Variants in PDE10A observed in about 807,000 individuals in gnomAD.
PDE10A encodes the protein cAMP and cAMP-inhibited cGMP 3',5'-cyclic phosphodiesterase 10A.
In PDE10A, 39 loss-of-function variants were observed where a neutral mutation model predicts 97.7. That is an observed-to-expected ratio of 0.40 (90% CI 0.31 to 0.52). PDE10A has a LOEUF of 0.52. PDE10A is among the 20% of genes least tolerant of loss of function. PDE10A has a pLI of 0.56. For synonymous variants in PDE10A, 371 were observed against 376.8 expected (o/e 0.98, Z 0.18); for missense variants, 731 against 1,047.8 (o/e 0.70, Z 4.17).
intron 1 of PDE10A, among the ~76,000 whole-genome samples, chr6:165,824,540 A>G (rs1194062801): frequency 6.6e-6 from 1 of 152,118 alleles, no homozygotes; most frequent in African/African-American, 2.4e-5. Context: ...AATCTATCAA[A>G]CGTTTATGAT....
intron 1 of PDE10A, among the ~76,000 whole-genome samples, chr6:165,979,559 C>T (rs9364827): frequency 0.07 from 10,644 of 152,146 alleles, 463 homozygotes; most frequent in South Asian, 0.13. Context: ...CTTGTTAATT[C>T]AAGTTGCCTC....
At chr6:165,560,760 G>A (rs1028915341) in intron 1 of PDE10A, among the ~76,000 whole-genome samples, 1 of 152,168 alleles carries the variant, frequency 6.6e-6, no homozygotes. Context: ...AAGCCCAGGG[G>A]AGAACGTCTA....
In PDE10A at chr6:165,589,390, CTTTATA is replaced by C. The variant is rs540546221; in HGVS notation, c.866-45828_866-45823del. Among the ~76,000 whole-genome samples, 24 of 152,242 alleles carry C rather than the reference CTTTATA, an allele frequency of 1.6e-4. 1 individual carries two copies. In the East Asian group the frequency reaches 4.6e-3, roughly 29 times the overall value. ...TAGTTGTTCTCTTAAAGATTTATTA[CTTTATA>C]TTTAAAATGCATTGGTTAAAACTTT... On this transcript the variant is annotated intron_variant, in intron 1 of 21. Transcript: ENST00000539869.
chr6:165,562,190 A>C (rs913391166), intron 1 of PDE10A, among the ~76,000 whole-genome samples: 1 of 152,202 alleles, frequency 6.6e-6, no homozygotes, highest in Non-Finnish European at 1.5e-5. Context: ...TATTATTTTA[A>C]TAATTAAGAC....
At chr6:165,822,144 G>A (rs1779589711) in intron 1 of PDE10A, among the ~76,000 whole-genome samples, 1 of 152,220 alleles carries the variant, frequency 6.6e-6, no homozygotes, top group Non-Finnish European at 1.5e-5. Flanking sequence ...TGAGAAATGT[G>A]TCCTTTGGCG....
At chr6:165,623,914 T>C (rs1206029506) in intron 1 of PDE10A, among the ~76,000 whole-genome samples, 2 of 152,230 alleles carry the variant, frequency 1.3e-5, no homozygotes, top group Admixed American at 6.5e-5. Flanking sequence ...TCCTCCTCAG[T>C]GGCTGCATGC....
At chr6:165,636,304 C>A (rs1167198574) in intron 1 of PDE10A, among the ~76,000 whole-genome samples, 2 of 152,144 alleles carry the variant, frequency 1.3e-5, no homozygotes, top group African/African-American at 2.4e-5. Flanking sequence ...CTCCCATACA[C>A]ACACACACAC....
At chr6:165,807,109 A>G (rs1779162523) in intron 1 of PDE10A, among the ~76,000 whole-genome samples, 1 of 152,092 alleles carries the variant, frequency 6.6e-6, no homozygotes, top group East Asian at 1.9e-4. Flanking sequence ...CACGTGAGAG[A>G]AAACCTGAGA....
At chr6:165,948,717 A>G (rs533254326) in intron 1 of PDE10A, 1 of 152,538 alleles carries the variant, frequency 6.6e-6, no homozygotes, top group Admixed American at 6.5e-5. Flanking sequence ...GCCAGGGGCC[A>G]GGTGAGGGAC....
At chr6:165,845,838 A>C (rs772053168) in intron 1 of PDE10A, among the ~76,000 whole-genome samples, 1 of 152,232 alleles carries the variant, frequency 6.6e-6, no homozygotes, top group Non-Finnish European at 1.5e-5. Context: ...TGGTACGTTT[A>C]ATAAGATTGT....
At position 165,833,820 on chromosome 6, in the gene PDE10A, G is replaced by C. The variant is rs112400927; in HGVS notation, c.-615+153709C>G. ...TAAAGATCAGGTAGGAAAGGTGCAG[G>C]CATGAGATGAAGGTGGTCCCAAAGC... On this transcript the variant is annotated intron_variant, in intron 1 of 19. Transcript: ENST00000366882. Among the ~76,000 whole-genome samples, 825 of 152,350 alleles carry C rather than the reference G, an allele frequency of 5.4e-3. 9 individuals carry two copies. The highest frequency in any genetic ancestry group is 0.019 in the African/African-American group (793 of 41,572).
At chr6:165,967,422 G>A (rs562506559) in intron 1 of PDE10A, among the ~76,000 whole-genome samples, 34 of 152,260 alleles carry the variant, frequency 2.2e-4, no homozygotes, top group Non-Finnish European at 3.8e-4. Context: ...ACTTGATACC[G>A]GGAGGCAAAG....
chr6:165,362,541 A>C (rs774352744), intron 18 of PDE10A, among the ~76,000 whole-genome samples: 10 of 152,228 alleles, frequency 6.6e-5, no homozygotes, highest in Admixed American at 4.6e-4. Context: ...TAGACCTATA[A>C]AAAGTACAAA....
chr6:165,945,303 G>A (rs1362659833), intron 1 of PDE10A, among the ~76,000 whole-genome samples: 2 of 152,166 alleles, frequency 1.3e-5, no homozygotes, highest in East Asian at 3.8e-4. Context: ...CTAAACTGAA[G>A]TCTCATAAAA....
intron 1 of PDE10A, among the ~76,000 whole-genome samples, chr6:165,658,085 G>C (rs572425326): frequency 6.6e-6 from 1 of 152,134 alleles, no homozygotes; most frequent in Non-Finnish European, 1.5e-5. Context: ...TGTTGTTCTC[G>C]CATTCTTCTA....
intron 1 of PDE10A, among the ~76,000 whole-genome samples, chr6:165,744,182 T>G (rs1056231796): frequency 6.6e-6 from 1 of 152,248 alleles, no homozygotes; most frequent in African/African-American, 2.4e-5. Context: ...TTCATTTTTA[T>G]AAGGACAATT....
intron 1 of PDE10A, among the ~76,000 whole-genome samples, chr6:165,964,623 G>A (rs978669096): frequency 3.9e-5 from 6 of 152,260 alleles, no homozygotes; most frequent in Non-Finnish European, 7.4e-5. Flanking sequence ...GCCAGCGAGC[G>A]TCCTAGGCAC....
In PDE10A at chr6:165,725,518, A is replaced by C. The variant is rs552119882; in HGVS notation, c.-614-181950T>G. 3.7e-3 allele frequency among the ~76,000 whole-genome samples: 567 copies of C among 152,342 alleles called. 6 individuals are homozygous for C. The highest frequency in any genetic ancestry group is 4.7e-3 in the Non-Finnish European group (319 of 68,030). On this transcript the variant is annotated intron_variant, in intron 1 of 19. Coordinates refer to the PDE10A transcript ENST00000366882. ...CATCATACACCCTGCAAGGGGGATA[A>C]GGGAACTTTTCCCGTTTCAGTGGAT... is the stretch of plus-strand genomic sequence containing the variant.
intron 1 of PDE10A, among the ~76,000 whole-genome samples, chr6:165,623,802 A>C (rs747870814): frequency 3.9e-5 from 6 of 152,122 alleles, no homozygotes; most frequent in Non-Finnish European, 1.5e-5. Context: ...CCAATCATGA[A>C]TATGTCCCCA....
Sources: gnomAD v4.1 joint callset for allele counts (sites outside exome capture counted in the v4.1 genomes callset) on GRCh38, gnomAD v4.1.1 for gene constraint, MANE v1.5 for transcripts, NCBI Gene and HGNC (gene_info 2026-07-23, HGNC 2026-07-21) for gene names.